Variants in F13A1 observed in about 807,000 individuals in gnomAD.
The protein encoded by F13A1 is coagulation factor XIII A chain, also known as FSF, A subunit.
Under a neutral mutation model 80.1 loss-of-function variants are expected in F13A1, and 47 were observed. The observed-to-expected ratio is 0.59, with a 90% CI of 0.46 to 0.75. The LOEUF is 0.75. Among genes scored for constraint, F13A1 ranks in the 30% least tolerant of loss-of-function variants. The probability of loss-of-function intolerance (pLI) is 0.00; values close to 1 mark genes in which losing one functional copy is unlikely to be tolerated. For missense variants in F13A1, 817 were observed against 930.4 expected (o/e 0.88, Z 1.59); for synonymous variants, 349 against 344.9 (o/e 1.01, Z -0.13).
intron 6 of F13A1, among the ~76,000 whole-genome samples, chr6:6,240,317 C>T (rs1392653665): frequency 6.6e-6 from 1 of 152,140 alleles, no homozygotes; most frequent in Non-Finnish European, 1.5e-5. Context: ...CATTACACTG[C>T]TGGCTTTTAC....
At chr6:6,223,367 G>T (rs1241857558) in intron 7 of F13A1, among the ~76,000 whole-genome samples, 1 of 152,202 alleles carries the variant, frequency 6.6e-6, no homozygotes, top group African/African-American at 2.4e-5. Context: ...TGAAATTGTA[G>T]GCATGGGGAG....
intron 6 of F13A1, among the ~76,000 whole-genome samples, chr6:6,235,802 A>C (rs1314379421): frequency 6.6e-6 from 1 of 152,088 alleles, no homozygotes; most frequent in East Asian, 1.9e-4. Context: ...AAGAGAAATA[A>C]AAGCTTACGT....
At chr6:6,152,806 C>T (rs977912566) in intron 13 of F13A1, among the ~76,000 whole-genome samples, 15 of 152,130 alleles carry the variant, frequency 9.9e-5, no homozygotes, top group South Asian at 2.1e-4. Context: ...CGCAATGTGC[C>T]GCAAAATGCC....
At chr6:6,145,875 A>C in intron 14 of F13A1, 103 bp from the exon 15 acceptor site, 1 of 1,510,646 alleles carries the variant, frequency 6.6e-7, no homozygotes, top group Non-Finnish European at 9.1e-7. Flanking sequence ...TCTTTCTCTC[A>C]GTTGGTGCTT....
intron 3 of F13A1, among the ~76,000 whole-genome samples, chr6:6,296,045 C>G (rs1214864774): frequency 6.9e-6 from 1 of 144,398 alleles, no homozygotes; most frequent in Non-Finnish European, 1.5e-5. Flanking sequence ...TGTCAAAGAT[C>G]AGATAGTTGT....
chr6:6,278,512 G>A (rs1280953042), intron 3 of F13A1, among the ~76,000 whole-genome samples: 4 of 152,182 alleles, frequency 2.6e-5, no homozygotes, highest in Non-Finnish European at 5.9e-5. Context: ...ACTGTGGGAG[G>A]TGAGGTATCT....
chr6:6,256,527 G>GTTAGTCAGCC (rs1171848560), intron 4 of F13A1, among the ~76,000 whole-genome samples: 16 of 152,082 alleles, frequency 1.1e-4, no homozygotes, highest in African/African-American at 3.6e-4. Flanking sequence ...CTTGCAGGCT[G>GTTAGTCAGCC]ACTAACAATT....
chr6:6,238,833 TAAAA>T (rs1442697674), intron 6 of F13A1, among the ~76,000 whole-genome samples: 1 of 152,010 alleles, frequency 6.6e-6, no homozygotes, highest in East Asian at 1.9e-4. Flanking sequence ...TTTGATTGGT[TAAAA>T]TTAAAAAGGT....
chr6:6,202,295 T>C (rs1212914407), intron 8 of F13A1, among the ~76,000 whole-genome samples: 1 of 152,226 alleles, frequency 6.6e-6, no homozygotes, highest in Admixed American at 6.5e-5. Context: ...AAAGCTTCTT[T>C]ATCTAGATCC....
intron 10 of F13A1, among the ~76,000 whole-genome samples, chr6:6,190,318 A>C (rs1417906356): frequency 1.3e-5 from 2 of 152,052 alleles, no homozygotes; most frequent in Non-Finnish European, 2.9e-5. Flanking sequence ...TAGAGTTTCC[A>C]GTTTTTCTGC....
At chr6:6,227,013 T>TAGTGC (rs1483300612) in intron 6 of F13A1, among the ~76,000 whole-genome samples, 1 of 147,936 alleles carries the variant, frequency 6.8e-6, no homozygotes, top group East Asian at 2.1e-4. Flanking sequence ...AATAAATGTG[T>TAGTGC]AGTGTCATGA....
chr6:6,312,477 T>C (rs188439362), intron 2 of F13A1, among the ~76,000 whole-genome samples: 24,198 of 51,740 alleles, frequency 0.47, 6,428 homozygotes, highest in East Asian at 0.66. Context: ...GGAGACCATC[T>C]TGGCCAATAT....
chr6:6,305,166 G>C, intron 3 of F13A1, 185 bp downstream of exon 3: 1 of 695,178 alleles, frequency 1.4e-6, no homozygotes, highest in Non-Finnish European at 2.6e-6. Flanking sequence ...GTGGGCCCAA[G>C]TTATCAATAT....
intron 3 of F13A1, among the ~76,000 whole-genome samples, chr6:6,285,879 A>G (rs1758133027): frequency 6.6e-6 from 1 of 152,246 alleles, no homozygotes; most frequent in South Asian, 2.1e-4. Context: ...AGGCATGCGC[A>G]CTAAGAGCCA....
intron 6 of F13A1, among the ~76,000 whole-genome samples, chr6:6,229,750 G>A (rs1214752082): frequency 6.6e-6 from 1 of 152,204 alleles, no homozygotes; most frequent in African/African-American, 2.4e-5. Context: ...GGACCCGAGA[G>A]ACCCCCCCAA....
At chr6:6,278,649 C>G (rs1487414152) in intron 3 of F13A1, among the ~76,000 whole-genome samples, 1 of 148,836 alleles carries the variant, frequency 6.7e-6, no homozygotes, top group African/African-American at 2.5e-5. Context: ...AGATGAGGTG[C>G]CTGAACAGAG....
intron 6 of F13A1, among the ~76,000 whole-genome samples, chr6:6,240,312 C>A (rs999126501): frequency 3.9e-5 from 6 of 152,152 alleles, no homozygotes; most frequent in African/African-American, 1.4e-4. Flanking sequence ...AACTTCATTA[C>A]ACTGCTGGCT....
chr6:6,303,513 A>T (rs1407636441), intron 3 of F13A1, among the ~76,000 whole-genome samples: 1 of 152,216 alleles, frequency 6.6e-6, no homozygotes, highest in Non-Finnish European at 1.5e-5. Context: ...TAATTAACAT[A>T]TTCATTCCTT....
At chr6:6,212,416 C>A (rs534437586) in intron 8 of F13A1, among the ~76,000 whole-genome samples, 8 of 152,332 alleles carry the variant, frequency 5.3e-5, no homozygotes, top group African/African-American at 1.4e-4. Context: ...CCAGCAGGGG[C>A]ACACTGACAC....
Sources: gnomAD v4.1 joint callset for allele counts (sites outside exome capture counted in the v4.1 genomes callset) on GRCh38, gnomAD v4.1.1 for gene constraint, MANE v1.5 for transcripts, NCBI Gene and HGNC (gene_info 2026-07-23, HGNC 2026-07-21) for gene names.